Variants in CAPN7 observed in about 807,000 individuals in gnomAD.
The protein encoded by CAPN7 is calpain-7.
A neutral mutation model predicts 115.2 loss-of-function variants in CAPN7; 72 were observed. The observed-to-expected ratio is 0.63, with a 90% CI of 0.52 to 0.76. The LOEUF (loss-of-function observed/expected upper bound fraction) is 0.76. CAPN7 is among the 30% of genes least tolerant of loss of function. CAPN7 has a pLI of 0.00. For missense variants in CAPN7, 905 were observed against 971.5 expected (o/e 0.93, Z 0.91); for synonymous variants, 344 against 322.3 (o/e 1.07, Z -0.72).
At chr3:15,244,933 A>G (rs1046206792) in intron 16 of CAPN7, among the ~76,000 whole-genome samples, 1 of 152,076 alleles carries the variant, frequency 6.6e-6, no homozygotes, top group African/African-American at 2.4e-5. Context: ...TAAGACATGC[A>G]CTATTTTTTT....
rs1406911752 is a variant in CAPN7 at position 15,251,633 on chromosome 3, A to T, written c.*373A>T. The T allele has an allele frequency of 6.2e-6, 1 of 160,560 alleles. No homozygotes were observed. The highest frequency in any genetic ancestry group is 1.4e-5 in the Non-Finnish European group (1 of 73,684). 9.9% of individuals were successfully genotyped at this position (160,560 alleles called of 1,614,324 possible). A position where few individuals can be genotyped will look rare whatever the true frequency, so the allele number is the denominator to read the frequency against. On this transcript the variant is annotated 3_prime_UTR_variant, in exon 21 of 21. Transcript: ENST00000253693. ...GAAAGGATATAGATTCCTTGAGTGG[A>T]ATAGTGGGCTAGATTAATATACCGA...
At chr3:15,238,072 T>C (rs1384478489) in intron 12 of CAPN7, among the ~76,000 whole-genome samples, 1 of 150,898 alleles carries the variant, frequency 6.6e-6, no homozygotes, top group Non-Finnish European at 1.5e-5. Context: ...TATTTTTTGC[T>C]ACTTATATTT....
At position 15,252,032 on chromosome 3, in the gene CAPN7, T is replaced by TC; in HGVS notation, c.*773dup. ...GTCTTTTTTTAAATTGCTGTATCGTTCAGTCTCTTGTGGCAATAGCACTTT... is the reference window on the plus strand; with the variant it reads ...GTCTTTTTTTAAATTGCTGTATCGTTCCAGTCTCTTGTGGCAATAGCACTTT... On this transcript the variant is annotated 3_prime_UTR_variant, in exon 21 of 21. Transcript: ENST00000253693. 6.5e-6 allele frequency: 1 copy of TC among 152,704 alleles called. No homozygotes were observed. 9.5% of individuals were successfully genotyped at this position (152,704 alleles called of 1,614,324 possible).
Position 15,220,939 on chromosome 3 carries a change from C to T in CAPN7, c.596C>T (p.Ala199Val), listed in dbSNP as rs1413425110. 1 of 1,613,988 alleles carries T rather than the reference C, an allele frequency of 6.2e-7. No individual in the cohort carries two copies. The highest frequency in any genetic ancestry group is 8.5e-7 in the Non-Finnish European group (1 of 1,179,926). ...TTTATAAGTCCTCAGTCATGTGATG[C>T]ACAAGGACAGAGATACACAGCAGAA... is the stretch of plus-strand genomic sequence containing the variant. ...QSFISPQSCD[A>V]QGQRYTAEEI... The change falls in exon 5 of 21, where the codon GCA (alanine) becomes GTA (valine). Residue 199 changes from alanine to valine, a missense_variant. Physicochemically the swap from Ala to Val is moderately conservative, Grantham distance 64. Coordinates refer to ENST00000253693, the MANE Select transcript of CAPN7 (RefSeq NM_014296.3).
intron 5 of CAPN7, among the ~76,000 whole-genome samples, chr3:15,221,328 T>C (rs59590990): frequency 0.12 from 17,390 of 149,362 alleles, 3,434 homozygotes; most frequent in African/African-American, 0.4. Context: ...TACAGGTGTG[T>C]GCCACCACAT....
At chr3:15,241,098 G>C (rs1258497200) in intron 14 of CAPN7, among the ~76,000 whole-genome samples, 1 of 152,144 alleles carries the variant, frequency 6.6e-6, no homozygotes, top group Non-Finnish European at 1.5e-5. Context: ...CCAGCTACTC[G>C]GGAGGCTGAG....
At chr3:15,240,375 A>T in intron 12 of CAPN7, 98 bp from the exon 13 acceptor site, 1 of 1,066,756 alleles carries the variant, frequency 9.4e-7, no homozygotes, top group Non-Finnish European at 1.4e-6. Flanking sequence ...TGAGGGGAAA[A>T]GAATTGATAA....
At chr3:15,219,988 G>T (rs1371213197) in intron 4 of CAPN7, among the ~76,000 whole-genome samples, 2 of 152,144 alleles carry the variant, frequency 1.3e-5, no homozygotes, top group Non-Finnish European at 2.9e-5. Flanking sequence ...ATCACCTGAG[G>T]TCAGGAGTTC....
chr3:15,247,094 C>T (rs1375501480), intron 18 of CAPN7: 5 of 562,408 alleles, frequency 8.9e-6, no homozygotes, highest in South Asian at 7.1e-5. Context: ...GAGGAAGATT[C>T]TATGGAAAAT....
chr3:15,250,572 T>C (rs1196479015), intron 19 of CAPN7, among the ~76,000 whole-genome samples: 1 of 152,180 alleles, frequency 6.6e-6, no homozygotes, highest in African/African-American at 2.4e-5. Flanking sequence ...TTCAGAAGGC[T>C]GAGGCAGGAT....
intron 12 of CAPN7, among the ~76,000 whole-genome samples, chr3:15,239,231 A>G (rs1339915624): frequency 6.6e-6 from 1 of 152,192 alleles, no homozygotes; most frequent in Non-Finnish European, 1.5e-5. Context: ...CCCAGCCACA[A>G]TTTGTCACCA....
At chr3:15,208,743 C>T (rs1009785354) in intron 1 of CAPN7, among the ~76,000 whole-genome samples, 4 of 151,972 alleles carry the variant, frequency 2.6e-5, no homozygotes, top group African/African-American at 4.8e-5. Flanking sequence ...GATAAATTAC[C>T]GGGGACAGAA....
At chr3:15,210,578 T>A (rs373992012) in intron 1 of CAPN7, among the ~76,000 whole-genome samples, 4 of 150,904 alleles carry the variant, frequency 2.7e-5, no homozygotes, top group South Asian at 4.2e-4. Flanking sequence ...ACTTTTTCAT[T>A]CCTTCCTTGC....
chr3:15,247,860 T>C (rs564185039), intron 19 of CAPN7, among the ~76,000 whole-genome samples: 6 of 152,304 alleles, frequency 3.9e-5, no homozygotes, highest in African/African-American at 1.4e-4. Flanking sequence ...TAAAAACACA[T>C]TCATGTCCTT....
At chr3:15,249,025 C>CAAAAAAAAAAAAAAAAAA (rs59492817) in intron 19 of CAPN7, among the ~76,000 whole-genome samples, 1 of 130,760 alleles carries the variant, frequency 7.6e-6, no homozygotes, top group Admixed American at 8.8e-5. Context: ...AAAAAAAAAA[C>CAAAAAAAAAAAAAAAAAA]AAAAACAGAA....
chr3:15,226,881 C>T (rs933927955), intron 6 of CAPN7, among the ~76,000 whole-genome samples: 1 of 151,810 alleles, frequency 6.6e-6, no homozygotes, highest in African/African-American at 2.4e-5. Context: ...ATGTTTGTGC[C>T]AGTTTGCATA....
intron 17 of CAPN7, 146 bp from the exon 18 acceptor site, chr3:15,246,586 A>G (rs1695671950): frequency 1.6e-6 from 1 of 623,048 alleles, no homozygotes; most frequent in South Asian, 2.0e-5. Context: ...CTCAGTTCCC[A>G]GCTCATTAAA....
At chr3:15,230,917 C>G (rs769985457) in intron 9 of CAPN7, among the ~76,000 whole-genome samples, 3 of 152,094 alleles carry the variant, frequency 2.0e-5, no homozygotes, top group Non-Finnish European at 2.9e-5. Flanking sequence ...GTGTAAGAAG[C>G]CTTTGAAATT....
chr3:15,219,439 C>T (rs1033607380), intron 4 of CAPN7, among the ~76,000 whole-genome samples: 1 of 152,174 alleles, frequency 6.6e-6, no homozygotes, highest in Non-Finnish European at 1.5e-5. Context: ...TTTTCATTGT[C>T]ATCTACTAAC....
Sources: gnomAD v4.1 joint callset for allele counts (sites outside exome capture counted in the v4.1 genomes callset) on GRCh38, gnomAD v4.1.1 for gene constraint, MANE v1.5 for transcripts, NCBI Gene and HGNC (gene_info 2026-07-23, HGNC 2026-07-21) for gene names.